DCAF5: variants seen among roughly 807,000 people sequenced by gnomAD.
DCAF5 encodes the protein DDB1- and CUL4-associated factor 5.
DCAF5 carries 9 observed loss-of-function variants against 80.7 expected under a neutral mutation model. The ratio of observed to expected loss-of-function variants is 0.11; its 90% confidence interval spans 0.07 to 0.19. DCAF5 has a LOEUF of 0.19. Ranked by LOEUF, DCAF5 falls within the 10% of genes least tolerant of loss-of-function variation. The probability of loss-of-function intolerance (pLI) is 1.00; values close to 1 mark genes in which losing one functional copy is unlikely to be tolerated. For synonymous variants in DCAF5, 433 were observed against 461.9 expected, an observed-to-expected ratio of 0.94 and a Z score of 0.80; for missense variants, 842 against 1,205.7, an observed-to-expected ratio of 0.70 and a Z score of 4.47.
At chr14:69,087,518 T>C (rs116735454) in intron 6 of DCAF5, among the ~76,000 whole-genome samples, 4,169 of 152,330 alleles carry the variant, frequency 0.027, 58 homozygotes, top group Middle Eastern at 0.037. Flanking sequence ...ATTGCTTCTG[T>C]TGATACCCAG....
chr14:69,074,536 A>C (rs2038826460), intron 7 of DCAF5, among the ~76,000 whole-genome samples: 1 of 152,216 alleles, frequency 6.6e-6, no homozygotes, highest in Non-Finnish European at 1.5e-5. Flanking sequence ...AAATGTAAAA[A>C]TATTTCTTCC....
Position 69,054,412 on chromosome 14 carries a change from T to C in DCAF5, c.2274A>G (p.Pro758=). The C allele has an allele frequency of 6.2e-7, 1 of 1,614,070 alleles. No homozygotes were observed. Among genetic ancestry groups the C allele is most frequent in the Non-Finnish European group, 8.5e-7 (1 of 1,180,034 alleles). ...EHSSHAWAEV[P]EGTSQDTGNS... ...TGCCAGTGTCCTGAGAGGTACCCTCTGGCACCTCTGCCCAAGCATGGCTGC... is the reference window on the plus strand; with the variant it reads ...TGCCAGTGTCCTGAGAGGTACCCTCCGGCACCTCTGCCCAAGCATGGCTGC... The change falls in exon 9 of 9, where the codon CCA becomes CCG. Residue 758 remains proline, a synonymous_variant. Transcript: ENST00000341516.
intron 6 of DCAF5, among the ~76,000 whole-genome samples, chr14:69,075,855 T>C (rs919858270): frequency 6.6e-6 from 1 of 152,172 alleles, no homozygotes; most frequent in Non-Finnish European, 1.5e-5. Flanking sequence ...AATGGGCATA[T>C]ATTTATAAGG....
At chr14:69,143,430 A>C (rs1243086834) in intron 1 of DCAF5, among the ~76,000 whole-genome samples, 1 of 152,126 alleles carries the variant, frequency 6.6e-6, no homozygotes, top group Non-Finnish European at 1.5e-5. Flanking sequence ...AAGGATAATA[A>C]TACTACCCTA....
chr14:69,092,547 G>C (rs1475979981), intron 5 of DCAF5, among the ~76,000 whole-genome samples: 1 of 152,170 alleles, frequency 6.6e-6, no homozygotes, highest in Non-Finnish European at 1.5e-5. Flanking sequence ...GAGCCTAGGG[G>C]GTTGAAGCTG....
chr14:69,117,124 A>T (rs1253661668), intron 4 of DCAF5, among the ~76,000 whole-genome samples: 1 of 152,216 alleles, frequency 6.6e-6, no homozygotes, highest in East Asian at 1.9e-4. Context: ...ATATACTCCT[A>T]TGGGACCTGT....
intron 1 of DCAF5, among the ~76,000 whole-genome samples, chr14:69,138,974 C>T (rs182698763): frequency 4.7e-5 from 7 of 150,220 alleles, no homozygotes; most frequent in Admixed American, 1.3e-4. Flanking sequence ...GGTAAGACCC[C>T]GTCTTTAGAA....
At chr14:69,063,933 A>G (rs1479100708) in intron 7 of DCAF5, among the ~76,000 whole-genome samples, 1 of 152,240 alleles carries the variant, frequency 6.6e-6, no homozygotes, top group African/African-American at 2.4e-5. Context: ...AATGGAAAAT[A>G]TATTTATCGT....
chr14:69,078,611 T>A (rs528848357), intron 6 of DCAF5, among the ~76,000 whole-genome samples: 1 of 152,280 alleles, frequency 6.6e-6, no homozygotes, highest in South Asian at 2.1e-4. Flanking sequence ...TGCTACAACA[T>A]GGATCAACTC....
Position 69,055,055 on chromosome 14 carries a change from G to A in DCAF5, c.1631C>T (p.Thr544Ile), listed in dbSNP as rs2037904810. The change falls in exon 9 of 9, where the codon ACA becomes ATA. Residue 544 changes from threonine to isoleucine, a missense_variant. This residue lies in a region of DCAF5 where 607 missense variants were observed against 656.6 expected (regional missense o/e 0.92). Coordinates refer to ENST00000341516, the MANE Select transcript of DCAF5 (RefSeq NM_003861.3). The surrounding 1 kb of genome is among the most constrained non-coding windows in gnomAD (Gnocchi z 5.6). ...EENVCEVELDTDLFPRPRSPS... is the reference protein window; with the variant it reads ...EENVCEVELDIDLFPRPRSPS... Reference sequence around the variant, plus strand: ...TGACCGTGGCCGGGGAAAGAGATCTGTGTCTAGTTCCACCTCACAGACATT... The same window carrying A: ...TGACCGTGGCCGGGGAAAGAGATCTATGTCTAGTTCCACCTCACAGACATT... 7 of 1,614,220 alleles carry A rather than the reference G, an allele frequency of 4.3e-6. No individual in the cohort carries two copies. The highest frequency in any genetic ancestry group is 5.9e-6 in the Non-Finnish European group (7 of 1,180,044).
At position 69,105,939 on chromosome 14, in the gene DCAF5, A is replaced by C. The variant is rs936296509; in HGVS notation, c.665+10427T>G. On this transcript the variant is annotated intron_variant, in intron 5 of 8. Coordinates refer to ENST00000341516, the MANE Select transcript of DCAF5 (RefSeq NM_003861.3). The stretch of plus-strand genomic sequence containing the variant: ...CATATATATATATATATATATATAT[A>C]TATATATCTCCTATTGGTTCTGTTC... Among the ~76,000 whole-genome samples the C allele has an allele frequency of 2.7e-4, 27 of 99,350 alleles. 2 individuals are homozygous for C. The highest frequency in any genetic ancestry group is 8.2e-4 in the African/African-American group (25 of 30,364). 65.2% of individuals were successfully genotyped at this position (99,350 alleles called of 152,430 possible).
chr14:69,094,785 T>C (rs2039644201), intron 5 of DCAF5, among the ~76,000 whole-genome samples: 3 of 151,082 alleles, frequency 2.0e-5, no homozygotes, highest in Admixed American at 2.0e-4. Context: ...CATCTAGGAC[T>C]TTAAAAAATG....
intron 1 of DCAF5, among the ~76,000 whole-genome samples, chr14:69,125,773 A>G (rs1308502065): frequency 6.6e-6 from 1 of 152,232 alleles, no homozygotes; most frequent in Non-Finnish European, 1.5e-5. Context: ...GTAAACAAAC[A>G]TGAATAAATA....
rs558844146 is a variant in DCAF5 at position 69,080,759 on chromosome 14, TTTTA to T, written c.880-5352_880-5349del. Reference sequence around the variant, plus strand: ...ACCCAAAATTCCTATGTTTCATATTTTTTATTTCCTTTTATGATGTATGACTTCA... The same window carrying T: ...ACCCAAAATTCCTATGTTTCATATTTTTTCCTTTTATGATGTATGACTTCA... On this transcript the variant is annotated intron_variant, in intron 6 of 8. Coordinates refer to ENST00000341516, the MANE Select transcript of DCAF5 (RefSeq NM_003861.3). Among the ~76,000 whole-genome samples, 778 of 152,346 alleles carry T rather than the reference TTTTA, an allele frequency of 5.1e-3. 18 individuals are homozygous for T. The highest frequency in any genetic ancestry group is 3.1e-3 in the Non-Finnish European group (213 of 68,032).
Position 69,075,376 on chromosome 14 carries a change from G to A in DCAF5, c.915C>T (p.Tyr305=), listed in dbSNP as rs760715310. Residue 305 remains tyrosine (Y), a synonymous_variant, in exon 7 of 9, where the codon TAC becomes TAT. Transcript: ENST00000341516. ...CTGGATCTGCAGGAATTCTCCACAT[G>A]TACAGGTTGAAGTCATCAGAGCCCG... ...ILSGSDDFNL[Y]MWRIPADPEA... 2.5e-6 allele frequency: 4 copies of A among 1,604,826 alleles called. No homozygotes were observed. The highest frequency in any genetic ancestry group is 1.1e-5 in the South Asian group (1 of 89,830).
At position 69,053,695 on chromosome 14, in the gene DCAF5, T is replaced by C. The variant is rs959878156; in HGVS notation, c.*162A>G. 5.8e-5 allele frequency: 37 copies of C among 641,748 alleles called. No homozygotes were observed. In the African/African-American group the frequency reaches 5.8e-4, roughly 10 times the overall value. The allele number at this position is 641,748 out of a possible 1,614,324, so 39.8% of individuals were successfully genotyped here. A position where few individuals can be genotyped will look rare whatever the true frequency, so the allele number is the denominator to read the frequency against. The stretch of plus-strand genomic sequence containing the variant: ...ATGGCCAGCTAGACATTCAGACCCG[T>C]TGTTGAATGTTGGATAGAAGGGAGC... On this transcript the variant is annotated 3_prime_UTR_variant, in exon 9 of 9. Transcript: ENST00000341516.
intron 1 of DCAF5, among the ~76,000 whole-genome samples, chr14:69,140,606 A>G (rs1284843478): frequency 6.6e-6 from 1 of 152,196 alleles, no homozygotes; most frequent in Non-Finnish European, 1.5e-5. Context: ...CAACTCTACA[A>G]AGAACAACAA....
At chr14:69,065,203 T>C (rs1286631860) in intron 7 of DCAF5, among the ~76,000 whole-genome samples, 1 of 145,696 alleles carries the variant, frequency 6.9e-6, no homozygotes, top group East Asian at 2.1e-4. Flanking sequence ...GTTCAAGCAA[T>C]TCTCTGCCTC....
intron 1 of DCAF5, among the ~76,000 whole-genome samples, chr14:69,140,745 C>T (rs1329425638): frequency 1.3e-5 from 2 of 152,094 alleles, no homozygotes; most frequent in Non-Finnish European, 2.9e-5. Context: ...ACGGTTTCAG[C>T]CTTTTTTTTC....
Sources: allele counts gnomAD v4.1 joint callset (sites outside exome capture counted in the v4.1 genomes callset), GRCh38; gene constraint gnomAD v4.1.1; regional missense constraint gnomAD v4.1.1; non-coding constraint Gnocchi (gnomAD v3.1); transcripts MANE v1.5; gene names NCBI Gene and HGNC (gene_info 2026-07-23, HGNC 2026-07-21).